The following RASA3 variants were observed in gnomAD, a reference collection of about 807,000 sequenced individuals.
RASA3 encodes RAS p21 protein activator 3.
RASA3 carries 73 observed loss-of-function variants against 110.0 expected under a neutral mutation model. The observed-to-expected ratio is 0.66, with a 90% CI of 0.55 to 0.81. The LOEUF (loss-of-function observed/expected upper bound fraction) is 0.81. Among genes scored for constraint, RASA3 ranks in the 30% least tolerant of loss-of-function variants. The pLI, the probability that RASA3 is intolerant of heterozygous loss-of-function variation, is 0.00. For synonymous variants in RASA3, 500 were observed against 451.4 expected, an observed-to-expected ratio of 1.11 and a Z score of -1.37; for missense variants, 976 against 1,113.2, an observed-to-expected ratio of 0.88 and a Z score of 1.75.
intron 2 of RASA3, among the ~76,000 whole-genome samples, chr13:114,059,972 C>T (rs944796483): frequency 2.6e-5 from 4 of 152,374 alleles, no homozygotes; most frequent in African/African-American, 4.8e-5. Flanking sequence ...ACTGTGGCCT[C>T]GCTCGGGGGA....
intron 2 of RASA3, among the ~76,000 whole-genome samples, chr13:114,070,071 C>T (rs1181035550): frequency 6.4e-5 from 4 of 62,082 alleles, no homozygotes; most frequent in Non-Finnish European, 8.9e-5. Context: ...CTGGGAGACT[C>T]GGGGAGCCGG....
chr13:114,021,205 C>T (rs141630013), intron 9 of RASA3, among the ~76,000 whole-genome samples, 199 bp downstream of exon 9: 1 of 152,378 alleles, frequency 6.6e-6, no homozygotes, highest in Non-Finnish European at 1.5e-5. Context: ...CCTCTCCTCA[C>T]CTGCCATTTC....
chr13:114,028,705 G>A (rs1207611704), intron 5 of RASA3, among the ~76,000 whole-genome samples: 1 of 96,962 alleles, frequency 1.0e-5, no homozygotes, highest in African/African-American at 4.2e-5. Flanking sequence ...CTCTAAAACG[G>A]CATCATCCTG....
chr13:113,983,390 G>A (rs1289537477), intron 22 of RASA3, among the ~76,000 whole-genome samples: 1 of 129,730 alleles, frequency 7.7e-6, no homozygotes, highest in African/African-American at 2.6e-5. Context: ...CATCAGACAC[G>A]TAATTGAGGA....
At chr13:114,055,430 T>C (rs1050697636) in intron 2 of RASA3, among the ~76,000 whole-genome samples, 2 of 152,200 alleles carry the variant, frequency 1.3e-5, no homozygotes, top group Admixed American at 1.3e-4. Context: ...GTGGCCTCCC[T>C]GGAGAAGCTT....
Position 114,011,157 on chromosome 13 carries a change from G to GCT in RASA3, c.1590+13_1590+14insAG. ...GTTGTCCCTAAAAAGAGAAAATGAA[G>GCT]AAGAGGGACTCACAGATTTGGACTT... On this transcript the variant is annotated intron_variant, in intron 16 of 23. Coordinates refer to ENST00000334062, the MANE Select transcript of RASA3 (RefSeq NM_007368.4). The surrounding 1 kb of genome is among the most constrained non-coding windows in gnomAD (Gnocchi z 4.8). 6.3e-7 allele frequency: 1 copy of GCT among 1,595,358 alleles called. No homozygotes were observed. The highest frequency in any genetic ancestry group is 8.6e-7 in the Non-Finnish European group (1 of 1,164,096).
chr13:114,066,125 C>T (rs942818920), intron 2 of RASA3, among the ~76,000 whole-genome samples: 28 of 138,458 alleles, frequency 2.0e-4, no homozygotes, highest in African/African-American at 3.1e-4. Flanking sequence ...CCTCGGCTCC[C>T]GCCTCTCCTG....
chr13:114,042,469 G>A (rs1170756927), intron 3 of RASA3, among the ~76,000 whole-genome samples: 1 of 152,246 alleles, frequency 6.6e-6, no homozygotes, highest in African/African-American at 2.4e-5. Flanking sequence ...TCTTCGTTCT[G>A]CACCCAGAGA....
At chr13:114,052,519 C>A (rs1416000880) in intron 2 of RASA3, among the ~76,000 whole-genome samples, 1 of 152,220 alleles carries the variant, frequency 6.6e-6, no homozygotes, top group African/African-American at 2.4e-5. Context: ...TTGGGGCAGG[C>A]AGTGGCTCCC....
intron 1 of RASA3, among the ~76,000 whole-genome samples, chr13:114,080,232 C>T (rs2079761206): frequency 6.6e-6 from 1 of 152,176 alleles, no homozygotes; most frequent in African/African-American, 2.4e-5. Context: ...ATGACAGAAG[C>T]CCAGGCTGCC....
At chr13:114,052,610 C>T (rs1450156064) in intron 2 of RASA3, among the ~76,000 whole-genome samples, 2 of 152,188 alleles carry the variant, frequency 1.3e-5, no homozygotes, top group East Asian at 1.9e-4. Context: ...AAAGTCCTGA[C>T]TGCCCAGCCG....
chr13:114,003,866 G>A (rs1238363910), intron 18 of RASA3, among the ~76,000 whole-genome samples: 1 of 152,214 alleles, frequency 6.6e-6, no homozygotes, highest in East Asian at 1.9e-4. Flanking sequence ...CAGGAACCTC[G>A]TGCGTAAGGA....
intron 13 of RASA3, among the ~76,000 whole-genome samples, chr13:114,015,982 G>A (rs563048259): frequency 2.8e-4 from 43 of 152,088 alleles, no homozygotes; most frequent in Non-Finnish European, 4.1e-4. Context: ...CCCAGGGGAC[G>A]CAGAGCCCGG....
intron 7 of RASA3, among the ~76,000 whole-genome samples, chr13:114,025,888 A>C (rs1299374332): frequency 6.6e-6 from 1 of 152,100 alleles, no homozygotes; most frequent in East Asian, 1.9e-4. Context: ...GCTGGGTCAG[A>C]AGCAGCTGAA....
At chr13:113,979,517 A>T (rs1594266155) in intron 23 of RASA3, 95 bp from the exon 24 acceptor site, 1 of 968,230 alleles carries the variant, frequency 1.0e-6, no homozygotes, top group African/African-American at 1.6e-5. Context: ...TAAATGTGAC[A>T]CACTCACACT....
chr13:113,989,997 A>C (rs1208941273), intron 22 of RASA3, among the ~76,000 whole-genome samples: 1 of 152,074 alleles, frequency 6.6e-6, no homozygotes, highest in Non-Finnish European at 1.5e-5. Context: ...GATCATGGGG[A>C]CAGACTTCCC....
At chr13:114,000,389 C>T (rs183016974) in intron 19 of RASA3, among the ~76,000 whole-genome samples, 115 of 152,222 alleles carry the variant, frequency 7.6e-4, no homozygotes, top group Admixed American at 5.8e-3. Flanking sequence ...AACATGTTCC[C>T]GTTCTGGGAC....
chr13:114,047,475 T>C (rs1053775481), intron 3 of RASA3, among the ~76,000 whole-genome samples: 3 of 152,184 alleles, frequency 2.0e-5, no homozygotes, highest in East Asian at 3.8e-4. Context: ...GGGTGACCAC[T>C]TGGAGACACG....
chr13:114,026,140 C>T (rs2054021410), intron 7 of RASA3, among the ~76,000 whole-genome samples: 1 of 152,244 alleles, frequency 6.6e-6, no homozygotes, highest in African/African-American at 2.4e-5. Context: ...AACAGGAGTG[C>T]ACACAGTAGA....
Sources: allele counts gnomAD v4.1 joint callset (sites outside exome capture counted in the v4.1 genomes callset), GRCh38; gene constraint gnomAD v4.1.1; non-coding constraint Gnocchi (gnomAD v3.1); transcripts MANE v1.5; gene names NCBI Gene and HGNC (gene_info 2026-07-23, HGNC 2026-07-21).